Variants in EPHA5 observed in about 807,000 individuals in gnomAD.
EPHA5 encodes the protein ephrin type-A receptor 5.
EPHA5 carries 60 observed loss-of-function variants against 105.0 expected under a neutral mutation model. The observed-to-expected ratio is 0.57, with a 90% CI of 0.46 to 0.71. The LOEUF (loss-of-function observed/expected upper bound fraction) is 0.71, where lower values mean the gene tolerates loss of function less well. EPHA5 is among the 30% of genes least tolerant of loss of function. The pLI, the probability that EPHA5 is intolerant of heterozygous loss-of-function variation, is 0.00. For missense variants in EPHA5, 1,218 were observed against 1,274.7 expected (o/e 0.96, Z 0.68); for synonymous variants, 513 against 449.1 (o/e 1.14, Z -1.80).
intron 3 of EPHA5, among the ~76,000 whole-genome samples, chr4:65,528,890 C>G (rs143471816): frequency 6.6e-6 from 1 of 152,118 alleles, no homozygotes; most frequent in African/African-American, 2.4e-5. Flanking sequence ...CAGAAGGACT[C>G]TACTTCAAAT....
At chr4:65,484,701 T>A (rs1416859618) in intron 5 of EPHA5, among the ~76,000 whole-genome samples, 1 of 152,188 alleles carries the variant, frequency 6.6e-6, no homozygotes, top group Non-Finnish European at 1.5e-5. Context: ...GGACAAAATA[T>A]ACATGTATAT....
rs186103075 is a variant in EPHA5 at position 65,539,312 on chromosome 4, A to G, written c.911-43769T>C. On this transcript the variant is annotated intron_variant, in intron 3 of 16. Transcript: ENST00000613740. ...ATTAAAATTCTTAAAAGATGGACAG[A>G]TAAAACCAAGACAAAGGAGGAGGAA... Among the ~76,000 whole-genome samples the G allele has an allele frequency of 2.4e-3, 362 of 151,768 alleles. 1 individual carries two copies. Among genetic ancestry groups the G allele is most frequent in the Non-Finnish European group, 4.0e-3 (270 of 67,744 alleles).
chr4:65,361,370 A>G (rs1046277371), intron 11 of EPHA5, among the ~76,000 whole-genome samples: 2 of 151,748 alleles, frequency 1.3e-5, no homozygotes, highest in East Asian at 1.9e-4. Flanking sequence ...AGTTTTCCAG[A>G]AAGAAAATAG....
intron 3 of EPHA5, among the ~76,000 whole-genome samples, chr4:65,557,051 A>T (rs1381286244): frequency 6.6e-6 from 1 of 151,624 alleles, no homozygotes; most frequent in East Asian, 1.9e-4. Context: ...TTCTTCGATG[A>T]AGGTGTGATA....
chr4:65,503,908 T>TACACACAC (rs34693427), intron 3 of EPHA5, among the ~76,000 whole-genome samples: 7,118 of 145,346 alleles, frequency 0.049, 199 homozygotes, highest in Middle Eastern at 0.064. Context: ...ATGTGTGTGA[T>TACACACAC]ACACACACAC....
At chr4:65,641,388 T>C (rs936443529) in intron 2 of EPHA5, among the ~76,000 whole-genome samples, 2 of 152,166 alleles carry the variant, frequency 1.3e-5, no homozygotes, top group African/African-American at 4.8e-5. Flanking sequence ...ACATTTTTTT[T>C]CCAGTTTTCT....
Position 65,331,457 on chromosome 4 carries a change from C to T in EPHA5, c.2945+516G>A, listed in dbSNP as rs187407626. 7.5e-3 allele frequency: 7,846 copies of T among 1,047,628 alleles called. 39 individuals carry two copies. Among genetic ancestry groups the T allele is most frequent in the Middle Eastern group, 0.011 (26 of 2,316 alleles). 64.9% of individuals were successfully genotyped at this position (1,047,628 alleles called of 1,614,324 possible). A position where few individuals can be genotyped will look rare whatever the true frequency, so the allele number is the denominator to read the frequency against. The stretch of plus-strand genomic sequence containing the variant: ...AATCAGAGGCGGGATCTGATACATC[C>T]TTAGATTGAAAGAATGTAAGGTGCA... On this transcript the variant is annotated intron_variant, in intron 16 of 16. Coordinates refer to ENST00000613740, the MANE Select transcript of EPHA5 (RefSeq NM_001281766.3).
At chr4:65,497,039 C>G (rs959765235) in intron 3 of EPHA5, among the ~76,000 whole-genome samples, 1 of 152,062 alleles carries the variant, frequency 6.6e-6, no homozygotes, top group South Asian at 2.1e-4. Context: ...CTTTAATATG[C>G]TAATTGCTCA....
At chr4:65,523,741 A>T (rs925354434) in intron 3 of EPHA5, among the ~76,000 whole-genome samples, 5 of 151,884 alleles carry the variant, frequency 3.3e-5, no homozygotes, top group Admixed American at 1.3e-4. Context: ...AGTCCTCTTG[A>T]TTTTTTTAGT....
At chr4:65,355,193 A>T (rs559846684) in intron 11 of EPHA5, among the ~76,000 whole-genome samples, 1 of 151,792 alleles carries the variant, frequency 6.6e-6, no homozygotes, top group Non-Finnish European at 1.5e-5. Context: ...AAGTTTAAAT[A>T]CAGTCACAAC....
chr4:65,388,637 T>A (rs1454438381), intron 8 of EPHA5, among the ~76,000 whole-genome samples: 1 of 144,728 alleles, frequency 6.9e-6, no homozygotes, highest in Admixed American at 7.2e-5. Flanking sequence ...GGTCTGTTCA[T>A]ATCCTTTGCC....
At chr4:65,454,365 A>C (rs1727369146) in intron 5 of EPHA5, among the ~76,000 whole-genome samples, 1 of 152,148 alleles carries the variant, frequency 6.6e-6, no homozygotes, top group Non-Finnish European at 1.5e-5. Flanking sequence ...GAAGAAAGGT[A>C]ATTTATTCAA....
intron 8 of EPHA5, among the ~76,000 whole-genome samples, chr4:65,380,647 A>G (rs1719466245): frequency 6.6e-6 from 1 of 151,852 alleles, no homozygotes; most frequent in Non-Finnish European, 1.5e-5. Flanking sequence ...AAGTACTTGA[A>G]TTACATAGAA....
intron 13 of EPHA5, among the ~76,000 whole-genome samples, chr4:65,350,783 G>T (rs1722740372): frequency 6.6e-6 from 1 of 151,952 alleles, no homozygotes; most frequent in African/African-American, 2.4e-5. Context: ...ATGAGTTAGT[G>T]ATCAATTTTC....
At chr4:65,399,630 G>C (rs1237861278) in intron 8 of EPHA5, among the ~76,000 whole-genome samples, 1 of 152,226 alleles carries the variant, frequency 6.6e-6, no homozygotes, top group Non-Finnish European at 1.5e-5. Flanking sequence ...TTAACAAAAA[G>C]TTTTAAGTGT....
intron 3 of EPHA5, among the ~76,000 whole-genome samples, chr4:65,550,908 CA>C (rs1483560826): frequency 6.6e-6 from 1 of 151,614 alleles, no homozygotes; most frequent in Non-Finnish European, 1.5e-5. Flanking sequence ...GAATCAATGT[CA>C]AAAAAATAAA....
chr4:65,546,706 C>A (rs1309977057), intron 3 of EPHA5, among the ~76,000 whole-genome samples: 1 of 152,010 alleles, frequency 6.6e-6, no homozygotes, highest in East Asian at 1.9e-4. Context: ...TTCAACATTT[C>A]ATCAACTAGT....
intron 2 of EPHA5, among the ~76,000 whole-genome samples, chr4:65,616,982 T>A (rs1051506645): frequency 6.6e-6 from 1 of 152,110 alleles, no homozygotes; most frequent in Non-Finnish European, 1.5e-5. Flanking sequence ...GCAATATGTA[T>A]AGAAAAGCGA....
At chr4:65,535,818 G>A (rs950439101) in intron 3 of EPHA5, among the ~76,000 whole-genome samples, 3 of 151,880 alleles carry the variant, frequency 2.0e-5, no homozygotes, top group African/African-American at 7.2e-5. Context: ...GGAAGTGGAG[G>A]TTTAACTTTT....
Sources: allele counts gnomAD v4.1 joint callset (sites outside exome capture counted in the v4.1 genomes callset), GRCh38; gene constraint gnomAD v4.1.1; transcripts MANE v1.5; gene names NCBI Gene and HGNC (gene_info 2026-07-23, HGNC 2026-07-21).